Variants in DLGAP2 observed in about 807,000 individuals in gnomAD.
The protein encoded by DLGAP2 is DLG associated protein 2.
DLGAP2 carries 26 observed loss-of-function variants against 100.3 expected under a neutral mutation model. The ratio of observed to expected loss-of-function variants is 0.26; its 90% confidence interval spans 0.19 to 0.36. The LOEUF (loss-of-function observed/expected upper bound fraction) is 0.36, where lower values mean the gene tolerates loss of function less well. Ranked by LOEUF, DLGAP2 falls within the 10% of genes least tolerant of loss-of-function variation. The pLI is 1.00. For missense variants in DLGAP2, 1,858 were observed against 1,453.2 expected (o/e 1.28, Z -4.53); for synonymous variants, 886 against 630.1 (o/e 1.41, Z -6.08).
rs573797933 is a variant in DLGAP2, at chr8:1,256,619, G to A, written c.74-2232G>A. Among the ~76,000 whole-genome samples, 3 of 139,804 alleles carry A rather than the reference G, an allele frequency of 2.1e-5. No homozygotes were observed. In the East Asian group the frequency reaches 6.0e-4, roughly 28 times the overall value. 91.7% of individuals were successfully genotyped at this position (139,804 alleles called of 152,430 possible). A position where few individuals can be genotyped will look rare whatever the true frequency, so the allele number is the denominator to read the frequency against. On this transcript the variant is annotated intron_variant, in intron 2 of 14. Transcript: ENST00000637795. ...CCCGGGTGCTGTGTGTGCGCACAGG[G>A]ACACAGTCATGTCCGCGCCTCCTGC...
Position 1,315,985 on chromosome 8 carries a change from G to C in DLGAP2, c.106+57102G>C, listed in dbSNP as rs558063585. Among the ~76,000 whole-genome samples the C allele has an allele frequency of 3.0e-3, 413 of 136,476 alleles. 12 individuals are homozygous for C. The highest frequency in any genetic ancestry group is 0.014 in the South Asian group (54 of 3,976). 89.5% of individuals were successfully genotyped at this position (136,476 alleles called of 152,430 possible). A position where few individuals can be genotyped will look rare whatever the true frequency, so the allele number is the denominator to read the frequency against. ...AGAAACTTCGCAGCTTTTAAAAATA[G>C]AGGCTGTGCGAGTGCAGCGTCTCTC... On this transcript the variant is annotated intron_variant, in intron 3 of 14. Coordinates refer to ENST00000637795, the MANE Select transcript of DLGAP2 (RefSeq NM_001346810.2).
intron 5 of DLGAP2, among the ~76,000 whole-genome samples, chr8:1,559,897 C>T (rs566639132): frequency 2.0e-5 from 3 of 152,298 alleles, no homozygotes; most frequent in South Asian, 4.1e-4. Context: ...CAAAAGTAAA[C>T]CCGGACCTCA....
At chr8:1,560,238 A>G (rs1489602686) in intron 5 of DLGAP2, among the ~76,000 whole-genome samples, 1 of 152,210 alleles carries the variant, frequency 6.6e-6, no homozygotes, top group African/African-American at 2.4e-5. Flanking sequence ...TCTTTAAAAG[A>G]CATAAAAATG....
At chr8:1,010,156 C>T (rs1252740133) in intron 2 of DLGAP2, among the ~76,000 whole-genome samples, 1 of 152,238 alleles carries the variant, frequency 6.6e-6, no homozygotes, top group Non-Finnish European at 1.5e-5. Flanking sequence ...TATATGCACA[C>T]ACACCTATGC....
chr8:1,211,733 G>C (rs1459352116), intron 2 of DLGAP2, among the ~76,000 whole-genome samples: 1 of 152,166 alleles, frequency 6.6e-6, no homozygotes, highest in Admixed American at 6.5e-5. Flanking sequence ...AAATTAGCCA[G>C]GCGTGGTAGC....
chr8:1,632,039 A>G (rs781758117), intron 7 of DLGAP2, among the ~76,000 whole-genome samples: 1 of 152,080 alleles, frequency 6.6e-6, no homozygotes, highest in Non-Finnish European at 1.5e-5. Context: ...CCCAGGAGAA[A>G]CAAGAAGAGA....
At chr8:1,130,418 A>G (rs1339599089) in intron 2 of DLGAP2, among the ~76,000 whole-genome samples, 1 of 152,232 alleles carries the variant, frequency 6.6e-6, no homozygotes, top group Non-Finnish European at 1.5e-5. Flanking sequence ...AACAATATCA[A>G]CAAGATAAAC....
At chr8:1,034,088 C>G (rs1430708569) in intron 2 of DLGAP2, among the ~76,000 whole-genome samples, 5 of 60,576 alleles carry the variant, frequency 8.3e-5, no homozygotes, top group African/African-American at 3.7e-4. Flanking sequence ...ATCCCGACCC[C>G]GCGTGTCACC....
At chr8:927,074 C>T (rs917453637) in intron 2 of DLGAP2, 4 of 985,368 alleles carry the variant, frequency 4.1e-6, no homozygotes, top group South Asian at 4.7e-5. Flanking sequence ...GAGAGATCCT[C>T]GTGGGAGGGC....
At chr8:1,446,003 A>C (rs1278176365) in intron 3 of DLGAP2, among the ~76,000 whole-genome samples, 2 of 151,954 alleles carry the variant, frequency 1.3e-5, no homozygotes, top group African/African-American at 4.8e-5. Context: ...CCTTTGTCAG[A>C]TGAGTAGGTT....
chr8:1,290,178 A>G (rs1197104541), intron 3 of DLGAP2, among the ~76,000 whole-genome samples: 3 of 152,186 alleles, frequency 2.0e-5, no homozygotes, highest in Admixed American at 6.5e-5. Flanking sequence ...GGCCTCTGTA[A>G]GCAGATCTAG....
intron 1 of DLGAP2, among the ~76,000 whole-genome samples, chr8:830,809 T>C (rs1054168338): frequency 4.6e-5 from 7 of 152,320 alleles, no homozygotes; most frequent in Middle Eastern, 6.8e-3. Context: ...TTGTTTCATA[T>C]GTAAGAAGTA....
At chr8:854,042 A>C (rs549943890) in intron 1 of DLGAP2, among the ~76,000 whole-genome samples, 123 of 152,240 alleles carry the variant, frequency 8.1e-4, no homozygotes, top group African/African-American at 2.3e-3. Context: ...ACCAGGAAAG[A>C]GGCCCTCGGC....
At chr8:1,455,337 G>C (rs746768475) in intron 3 of DLGAP2, among the ~76,000 whole-genome samples, 1 of 152,224 alleles carries the variant, frequency 6.6e-6, no homozygotes, top group Admixed American at 6.5e-5. Flanking sequence ...GGGGTTTCCC[G>C]ATGGTGGGGC....
chr8:1,678,617 C>A lies in DLGAP2; in HGVS notation c.2692C>A (p.Leu898Ile). ...GGAGAGAGAGGCGGAGGAGAACGAC[C>A]TCTCGGAGGAAAGTAAGAGCTCAGG... ...EMEREAEENDLSEEILGKIRS... is the reference protein window; with the variant it reads ...EMEREAEENDISEEILGKIRS... Residue 898 changes from leucine (L) to isoleucine (I), a missense_variant, in exon 12 of 15, where the codon CTC becomes ATC. Coordinates refer to ENST00000637795, the MANE Select transcript of DLGAP2 (RefSeq NM_001346810.2). 1 of 1,545,128 alleles carries A rather than the reference C, an allele frequency of 6.5e-7. No individual in the cohort carries two copies. The highest frequency in any genetic ancestry group is 8.7e-7 in the Non-Finnish European group (1 of 1,142,992).
intron 3 of DLGAP2, among the ~76,000 whole-genome samples, chr8:1,308,717 G>A (rs1350383649): frequency 6.6e-6 from 1 of 152,070 alleles, no homozygotes; most frequent in Non-Finnish European, 1.5e-5. Flanking sequence ...TAGAAATTAG[G>A]TTTCCCCATG....
intron 1 of DLGAP2, among the ~76,000 whole-genome samples, chr8:760,703 G>A (rs1488891715): frequency 6.6e-6 from 1 of 152,134 alleles, no homozygotes; most frequent in South Asian, 2.1e-4. Flanking sequence ...ACTCACAAAG[G>A]TGTGCATGGG....
intron 2 of DLGAP2, among the ~76,000 whole-genome samples, chr8:1,073,098 T>G (rs1046703158): frequency 6.6e-6 from 1 of 152,244 alleles, no homozygotes; most frequent in African/African-American, 2.4e-5. Flanking sequence ...ACTGTTGAAG[T>G]CAGTCTCGTA....
chr8:1,204,109 C>T (rs1024494968), intron 2 of DLGAP2, among the ~76,000 whole-genome samples: 4 of 152,236 alleles, frequency 2.6e-5, no homozygotes, highest in Non-Finnish European at 5.9e-5. Flanking sequence ...AATTCTGCAT[C>T]TCTGAAAAGG....
Sources: allele counts gnomAD v4.1 joint callset (sites outside exome capture counted in the v4.1 genomes callset), GRCh38; gene constraint gnomAD v4.1.1; transcripts MANE v1.5; gene names NCBI Gene and HGNC (gene_info 2026-07-23, HGNC 2026-07-21).